Variants in EPB41L4A observed in about 807,000 individuals in gnomAD.
The protein encoded by EPB41L4A is band 4.1-like protein 4A.
Under a neutral mutation model 108.6 loss-of-function variants are expected in EPB41L4A, and 100 were observed. The observed-to-expected ratio is 0.92, with a 90% CI of 0.78 to 1.09. The LOEUF (loss-of-function observed/expected upper bound fraction) is 1.09, where lower values mean the gene tolerates loss of function less well. Among genes scored for constraint, EPB41L4A ranks in the 50% least tolerant of loss-of-function variants. EPB41L4A has a pLI of 0.00. For missense variants in EPB41L4A, 1,030 were observed against 842.7 expected (o/e 1.22, Z -2.75); for synonymous variants, 319 against 289.0 (o/e 1.10, Z -1.05).
chr5:112,325,302 G>A (rs574361468), intron 1 of EPB41L4A, among the ~76,000 whole-genome samples: 11 of 152,236 alleles, frequency 7.2e-5, no homozygotes, highest in South Asian at 2.1e-4. Context: ...TTAGCCGGGC[G>A]TAGTGGCACA....
At chr5:112,151,203 C>A (rs1479294376) in intron 12 of EPB41L4A, among the ~76,000 whole-genome samples, 1 of 151,606 alleles carries the variant, frequency 6.6e-6, no homozygotes, top group African/African-American at 2.4e-5. Flanking sequence ...AAGTGGTAAC[C>A]CGTAAAAAAA....
intron 2 of EPB41L4A, among the ~76,000 whole-genome samples, chr5:112,284,988 C>T (rs1006165870): frequency 6.6e-6 from 1 of 152,160 alleles, no homozygotes; most frequent in African/African-American, 2.4e-5. Flanking sequence ...ATATCCTAAT[C>T]TTCAAAAGAT....
rs573798012 is a variant in EPB41L4A at position 112,355,971 on chromosome 5, CCT to C, written c.100-48483_100-48482del. Among the ~76,000 whole-genome samples, 3 of 152,036 alleles carry C rather than the reference CCT, an allele frequency of 2.0e-5. No homozygotes were observed. The South Asian group carries it at 6.2e-4, about 32-fold the overall frequency. ...CATGGATCCAGTAAGTCCACGAACC[CCT>C]CTTATGGTTATTTTGCAGTTTTTGA... On this transcript the variant is annotated intron_variant, in intron 1 of 22. Coordinates refer to ENST00000261486, the MANE Select transcript of EPB41L4A (RefSeq NM_022140.5).
intron 4 of EPB41L4A, among the ~76,000 whole-genome samples, chr5:112,267,131 C>G (rs758681259): frequency 6.6e-6 from 1 of 152,194 alleles, no homozygotes; most frequent in African/African-American, 2.4e-5. Context: ...AGCTATTCTG[C>G]TAGTGGACTG....
At chr5:112,244,138 T>G (rs1480717948) in intron 9 of EPB41L4A, among the ~76,000 whole-genome samples, 1 of 152,194 alleles carries the variant, frequency 6.6e-6, no homozygotes, top group Non-Finnish European at 1.5e-5. Context: ...TAGAGGTTAT[T>G]GTAGGGTTAT....
chr5:112,195,040 C>T (rs1561465411), intron 16 of EPB41L4A, among the ~76,000 whole-genome samples: 1 of 152,114 alleles, frequency 6.6e-6, no homozygotes, highest in African/African-American at 2.4e-5. Context: ...ATTTCCCTAT[C>T]CTCTGAATTT....
At chr5:112,274,905 AC>A (rs1490643107) in intron 4 of EPB41L4A, among the ~76,000 whole-genome samples, 1 of 152,230 alleles carries the variant, frequency 6.6e-6, no homozygotes, top group Non-Finnish European at 1.5e-5. Context: ...TAAATGAAAC[AC>A]CTGGAGAGCT....
At chr5:112,346,086 A>G (rs1757643017) in intron 1 of EPB41L4A, among the ~76,000 whole-genome samples, 6 of 151,772 alleles carry the variant, frequency 4.0e-5, no homozygotes, top group Admixed American at 3.9e-4. Flanking sequence ...CTCCACAATT[A>G]TTTTTGCTGT....
intron 4 of EPB41L4A, among the ~76,000 whole-genome samples, chr5:112,269,546 A>G (rs896644779): frequency 6.6e-6 from 1 of 152,168 alleles, no homozygotes; most frequent in Admixed American, 6.6e-5. Flanking sequence ...GATTAAAGCT[A>G]TGATGGAATG....
chr5:112,383,425 A>G (rs1760295095), intron 1 of EPB41L4A, among the ~76,000 whole-genome samples: 5 of 152,240 alleles, frequency 3.3e-5, no homozygotes, highest in Admixed American at 3.3e-4. Flanking sequence ...AGACCGTAAA[A>G]CTGTACTGAA....
At position 112,194,557 on chromosome 5, in the gene EPB41L4A, T is replaced by C. The variant is rs770642048; in HGVS notation, c.1502+11A>G. ...TCAGAGTGCCAGTTAATTATAATAT[T>C]GAGATATTACCTGTTTCTCTTTTTC... is the stretch of plus-strand genomic sequence containing the variant. On this transcript the variant is annotated intron_variant, in intron 17 of 22. Transcript: ENST00000261486. 1.4e-6 allele frequency: 2 copies of C among 1,449,738 alleles called. No homozygotes were observed. Among genetic ancestry groups the C allele is most frequent in the Non-Finnish European group, 1.9e-6 (2 of 1,043,590 alleles). The allele number at this position is 1,449,738 out of a possible 1,614,324, so 89.8% of individuals were successfully genotyped here.
At chr5:112,212,740 G>A (rs1013897208) in intron 12 of EPB41L4A, among the ~76,000 whole-genome samples, 2 of 152,186 alleles carry the variant, frequency 1.3e-5, no homozygotes, top group Non-Finnish European at 2.9e-5. Flanking sequence ...GGGGGCCACA[G>A]CAGAGAGACC....
intron 21 of EPB41L4A, 44 bp downstream of exon 21, chr5:112,168,951 T>G (rs1253634569): frequency 1.3e-6 from 2 of 1,531,396 alleles, no homozygotes; most frequent in South Asian, 1.1e-5. Flanking sequence ...CTGCACTGTT[T>G]TGGAGCCATG....
At chr5:112,395,159 C>G (rs1315841783) in intron 1 of EPB41L4A, among the ~76,000 whole-genome samples, 1 of 152,174 alleles carries the variant, frequency 6.6e-6, no homozygotes, top group African/African-American at 2.4e-5. Flanking sequence ...AAAACCTAGG[C>G]AATACCATTC....
At chr5:112,375,336 T>TACAC (rs756227057) in intron 1 of EPB41L4A, among the ~76,000 whole-genome samples, 45 of 134,280 alleles carry the variant, frequency 3.4e-4, no homozygotes, top group East Asian at 1.6e-3. Context: ...CACACACACA[T>TACAC]ACACACACAC....
At chr5:112,180,537 TACA>T (rs968722306) in intron 18 of EPB41L4A, among the ~76,000 whole-genome samples, 2 of 151,924 alleles carry the variant, frequency 1.3e-5, no homozygotes, top group African/African-American at 2.4e-5. Flanking sequence ...CTCATCCATA[TACA>T]ACAACTAATT....
chr5:112,363,537 G>C (rs1184371030), intron 1 of EPB41L4A: 1 of 152,390 alleles, frequency 6.6e-6, no homozygotes, highest in Non-Finnish European at 1.5e-5. Flanking sequence ...AGATCAATGA[G>C]AGTATTCATA....
intron 12 of EPB41L4A, among the ~76,000 whole-genome samples, chr5:112,147,878 A>C (rs1759320974): frequency 6.6e-6 from 1 of 151,604 alleles, no homozygotes; most frequent in African/African-American, 2.4e-5. Flanking sequence ...GTCTCTACTA[A>C]AAATACAAAA....
intron 2 of EPB41L4A, among the ~76,000 whole-genome samples, chr5:112,304,436 G>C (rs1048773140): frequency 6.6e-6 from 1 of 152,268 alleles, no homozygotes; most frequent in Admixed American, 6.5e-5. Flanking sequence ...GATCAAGAAC[G>C]AACCTGACTG....
Sources: allele counts gnomAD v4.1 joint callset (sites outside exome capture counted in the v4.1 genomes callset), GRCh38; gene constraint gnomAD v4.1.1; transcripts MANE v1.5; gene names NCBI Gene and HGNC (gene_info 2026-07-23, HGNC 2026-07-21).